GNE: variants seen among roughly 807,000 people sequenced by gnomAD.
The protein encoded by GNE is glucosamine (UDP-N-acetyl)-2-epimerase/N-acetylmannosamine kinase.
Under a neutral mutation model 61.8 loss-of-function variants are expected in GNE, and 41 were observed. That is an observed-to-expected ratio of 0.66 (90% CI 0.52 to 0.86). GNE has a LOEUF of 0.86. GNE is among the 40% of genes least tolerant of loss of function. The probability of loss-of-function intolerance (pLI) is 0.00; values close to 1 mark genes in which losing one functional copy is unlikely to be tolerated. For missense variants in GNE, 608 were observed against 909.1 expected, an observed-to-expected ratio of 0.67 and a Z score of 4.26; for synonymous variants, 264 against 326.4, an observed-to-expected ratio of 0.81 and a Z score of 2.06.
At chr9:36,265,483 A>G in intron 1 of GNE, 1 of 456,696 alleles carries the variant, frequency 2.2e-6, no homozygotes, top group Non-Finnish European at 4.4e-6. Context: ...AGCCAATATC[A>G]TGAAGAAATC....
At chr9:36,247,699 G>A (rs1829943768) in intron 2 of GNE, among the ~76,000 whole-genome samples, 1 of 151,942 alleles carries the variant, frequency 6.6e-6, no homozygotes, top group Non-Finnish European at 1.5e-5. Flanking sequence ...CTACTGAGAG[G>A]ATGCTCCTAA....
In GNE at chr9:36,246,407, ATCT is replaced by A; in HGVS notation, c.237_239del (p.Glu79del). ...CTACTGACTCCACCATGGCTGCCTC[ATCT>A]TCTCCCCTCACAATTGTGTGTAGCC... is the stretch of plus-strand genomic sequence containing the variant. On this transcript the variant is annotated inframe_deletion, in exon 3 of 12. Transcript: ENST00000642385. 2 of 1,613,872 alleles carry A rather than the reference ATCT, an allele frequency of 1.2e-6. No homozygotes were observed. Among genetic ancestry groups the A allele is most frequent in the African/African-American group, 1.3e-5 (1 of 75,062 alleles).
At chr9:36,221,684 A>G (rs1204745845) in intron 9 of GNE, among the ~76,000 whole-genome samples, 1 of 152,166 alleles carries the variant, frequency 6.6e-6, no homozygotes, top group Non-Finnish European at 1.5e-5. Context: ...TTTAAAAAAG[A>G]AAAACAAAAA....
chr9:36,249,511 T>G, intron 1 of GNE, 114 bp from the exon 2 acceptor site: 1 of 665,384 alleles, frequency 1.5e-6, no homozygotes, highest in Non-Finnish European at 2.6e-6. Context: ...TTAACCACTA[T>G]TTAGTACAGT....
At position 36,249,173 on chromosome 9, in the gene GNE, G is replaced by A. The variant is rs997847618; in HGVS notation, c.164+19C>T. 1.3e-6 allele frequency: 2 copies of A among 1,597,186 alleles called. No individual in the cohort carries two copies. Among genetic ancestry groups the A allele is most frequent in the Admixed American group, 3.3e-5 (2 of 59,974 alleles). On this transcript the variant is annotated intron_variant, in intron 2 of 11. Coordinates refer to ENST00000642385, the MANE Select transcript of GNE (RefSeq NM_005476.7). ...AGCACACTGTTGCAATGAAGAATAAGAAAATGCTTTCATCTTACCCATAGT... is the reference window on the plus strand; with the variant it reads ...AGCACACTGTTGCAATGAAGAATAAAAAAATGCTTTCATCTTACCCATAGT...
chr9:36,265,269 A>C (rs1830737320), intron 1 of GNE: 13 of 414,054 alleles, frequency 3.1e-5, no homozygotes, highest in South Asian at 2.1e-4. Context: ...GCATGGCCCA[A>C]GATTCCATTC....
intron 3 of GNE, among the ~76,000 whole-genome samples, chr9:36,242,820 C>T (rs1829701792): frequency 6.7e-6 from 1 of 148,462 alleles, no homozygotes; most frequent in Non-Finnish European, 1.5e-5. Context: ...TCTCGGCTCA[C>T]AGCAACCTCC....
intron 1 of GNE, among the ~76,000 whole-genome samples, chr9:36,270,698 T>C (rs1043251784): frequency 1.5e-4 from 23 of 152,040 alleles, no homozygotes; most frequent in African/African-American, 5.1e-4. Context: ...TTTGTATTTT[T>C]AGTAGAGACG....
intron 1 of GNE, among the ~76,000 whole-genome samples, chr9:36,265,767 TAAG>T (rs1271277004): frequency 1.3e-5 from 2 of 152,118 alleles, no homozygotes; most frequent in Non-Finnish European, 2.9e-5. Flanking sequence ...TAAATTCTCA[TAAG>T]GAGCGTTCAA....
chr9:36,235,025 T>C (rs746672137), intron 4 of GNE, among the ~76,000 whole-genome samples: 6 of 152,144 alleles, frequency 3.9e-5, no homozygotes, highest in Non-Finnish European at 8.8e-5. Flanking sequence ...CAGAAATATT[T>C]TGGGTTTCAA....
chr9:36,227,278 C>T lies in GNE; in HGVS notation c.1251G>A (p.Thr417=), dbSNP rs758086020. ...LSALAVDLGG[T]NLRVAIVSMK... is the part of the protein sequence containing the mutation. Reference sequence around the variant, plus strand: ...TGCTGACTATTGCAACTCGGAGGTTCGTCCCGCCAAGATCAACGGCCAAGG... The same window carrying T: ...TGCTGACTATTGCAACTCGGAGGTTTGTCCCGCCAAGATCAACGGCCAAGG... The change falls in exon 7 of 12, where the codon ACG becomes ACA. Residue 417 remains threonine, a synonymous_variant. Coordinates refer to ENST00000642385, the MANE Select transcript of GNE (RefSeq NM_005476.7). 30 of 1,612,966 alleles carry T rather than the reference C, an allele frequency of 1.9e-5. No individual in the cohort carries two copies. The highest frequency in any genetic ancestry group is 2.5e-5 in the Non-Finnish European group (30 of 1,179,164).
At chr9:36,223,622 T>TCTAA in intron 7 of GNE, 120 bp from the exon 8 acceptor site, 3 of 1,037,386 alleles carry the variant, frequency 2.9e-6, no homozygotes, top group Non-Finnish European at 4.4e-6. Context: ...CAGTCTTAGA[T>TCTAA]GACTGCTTGG....
At chr9:36,257,800 C>T (rs10972808) in intron 1 of GNE, among the ~76,000 whole-genome samples, 56,871 of 83,078 alleles carry the variant, frequency 0.68, 16,602 homozygotes, top group Non-Finnish European at 0.72. Context: ...GAGACTCAGT[C>T]TCAAAAAAAA....
In GNE at chr9:36,274,292, C is replaced by T. The variant is rs556768654; in HGVS notation, c.51+2602G>A. Among the ~76,000 whole-genome samples the T allele has an allele frequency of 7.2e-5, 11 of 152,196 alleles. No individual in the cohort carries two copies. The South Asian group carries it at 8.3e-4, about 11-fold the overall frequency. ...TGTAATTTTTTTAGAACTAGGGTCT[C>T]GCTATGTTGCCCAGGCTGATCTTGA... is the stretch of plus-strand genomic sequence containing the variant. On this transcript the variant is annotated intron_variant, in intron 1 of 11. Coordinates refer to the GNE transcript ENST00000396594.
chr9:36,256,510 G>A (rs1435331943), intron 1 of GNE, among the ~76,000 whole-genome samples: 1 of 152,116 alleles, frequency 6.6e-6, no homozygotes, highest in African/African-American at 2.4e-5. Flanking sequence ...CTCCCAAAGT[G>A]CTGGGATTAC....
In GNE at chr9:36,229,085, C is replaced by T; in HGVS notation, c.1006G>A (p.Asp336Asn). 6.2e-7 allele frequency: 1 copy of T among 1,608,744 alleles called. No homozygotes were observed. Among genetic ancestry groups the T allele is most frequent in the Non-Finnish European group, 8.5e-7 (1 of 1,175,192 alleles). The change falls in exon 6 of 12, where the codon GAT (aspartate) becomes AAT (asparagine). Residue 336 changes from aspartate (D) to asparagine (N), a missense_variant. Coordinates refer to ENST00000642385, the MANE Select transcript of GNE (RefSeq NM_005476.7). The part of the protein sequence containing the change: ...ETGENVLHVR[D>N]ADTQDKILQA... The stretch of plus-strand genomic sequence containing the variant: ...AATATTTTGTCTTGGGTGTCAGCAT[C>T]CCGGACATGAAGAACATTCTCCCCT...
chr9:36,245,685 T>TAAATA (rs759065874), intron 3 of GNE, among the ~76,000 whole-genome samples: 52 of 151,956 alleles, frequency 3.4e-4, no homozygotes, highest in Non-Finnish European at 5.7e-4. Context: ...AAAAATAAAA[T>TAAATA]AAATAAAATA....
At position 36,258,392 on chromosome 9, in the gene GNE, A is replaced by AAGCAGGC; in HGVS notation, c.-121_-115dup. ...GGCGAGGGACGAACCAAGCGCCACG[A>AAGCAGGC]AGCAGGCAGAGCGCGAGCCTGCCCC... On this transcript the variant is annotated 5_prime_UTR_variant, in exon 1 of 12. Transcript: ENST00000642385. 3 of 985,494 alleles carry AAGCAGGC rather than the reference A, an allele frequency of 3.0e-6. No individual in the cohort carries two copies. The highest frequency in any genetic ancestry group is 3.6e-6 in the Non-Finnish European group (3 of 829,992). The allele number at this position is 985,494 out of a possible 1,614,324, so 61.0% of individuals were successfully genotyped here.
Position 36,222,987 on chromosome 9 carries a change from C to A in GNE, c.1423G>T (p.Gly475Cys), listed in dbSNP as rs1202968670. 1 of 1,613,636 alleles carries A rather than the reference C, an allele frequency of 6.2e-7. No individual in the cohort carries two copies. Among genetic ancestry groups the A allele is most frequent in the Non-Finnish European group, 8.5e-7 (1 of 1,179,992 alleles). The change falls in exon 9 of 12, where the codon GGT becomes TGT. Residue 475 changes from glycine (G) to cysteine (C), a missense_variant. Physicochemically the swap from Gly to Cys is radical, Grantham distance 159. Coordinates refer to ENST00000642385, the MANE Select transcript of GNE (RefSeq NM_005476.7). ...CCTTCCCGAGGATTTACACGGCCAC[C>A]TGTGGAAATGCCTGCGCTCCACCAC... ...CRILGVGIST[G>C]GRVNPREGIV...
Sources: allele counts gnomAD v4.1 joint callset (sites outside exome capture counted in the v4.1 genomes callset), GRCh38; gene constraint gnomAD v4.1.1; transcripts MANE v1.5; gene names NCBI Gene and HGNC (gene_info 2026-07-23, HGNC 2026-07-21).